The following GRIK2 variants were observed in gnomAD, a reference collection of about 807,000 sequenced individuals.
GRIK2 encodes glutamate receptor ionotropic, kainate 2.
Under a neutral mutation model 100.3 loss-of-function variants are expected in GRIK2, and 32 were observed. That is an observed-to-expected ratio of 0.32 (90% CI 0.24 to 0.43). The LOEUF is 0.43. GRIK2 is among the 20% of genes least tolerant of loss of function. The pLI is 1.00. For synonymous variants in GRIK2, 417 were observed against 389.4 expected, an observed-to-expected ratio of 1.07 and a Z score of -0.83; for missense variants, 843 against 1,114.9, an observed-to-expected ratio of 0.76 and a Z score of 3.47.
intron 15 of GRIK2, 51 bp from the exon 16 acceptor site, chr6:102,055,279 T>C: frequency 2.1e-6 from 3 of 1,437,476 alleles, no homozygotes; most frequent in Non-Finnish European, 9.6e-7. Flanking sequence ...AACCTTTAAT[T>C]ATGAAATTTC....
rs539733976 is a variant in GRIK2 at position 101,976,029 on chromosome 6, A to T, written c.2085+47397A>T. Among the ~76,000 whole-genome samples the T allele has an allele frequency of 7.9e-5, 12 of 152,096 alleles. No homozygotes were observed. The South Asian group carries it at 2.1e-3, about 26-fold the overall frequency. ...CAAAAACAAAATCATTTAGTTTTGG[A>T]TGGAGGGTAGAGGTAGAGGGGTCTG... On this transcript the variant is annotated intron_variant, in intron 14 of 16. Transcript: ENST00000369134.
intron 2 of GRIK2, among the ~76,000 whole-genome samples, chr6:101,561,494 A>G (rs1017546068): frequency 3.2e-4 from 48 of 152,312 alleles, no homozygotes; most frequent in African/African-American, 1.1e-3. Context: ...AATTAACAAT[A>G]ATTTATTATA....
chr6:101,413,561 T>G (rs1775977264), intron 2 of GRIK2, among the ~76,000 whole-genome samples: 1 of 152,120 alleles, frequency 6.6e-6, no homozygotes, highest in Non-Finnish European at 1.5e-5. Flanking sequence ...TAAAACATGC[T>G]TGATTATTTT....
intron 2 of GRIK2, among the ~76,000 whole-genome samples, chr6:101,493,628 A>G (rs892547998): frequency 2.3e-4 from 35 of 151,986 alleles, no homozygotes; most frequent in Non-Finnish European, 2.9e-5. Context: ...TTTAGGAGGA[A>G]AAAAGAGCCT....
intron 9 of GRIK2, 85 bp downstream of exon 9, chr6:101,802,523 A>T (rs1780740118): frequency 2.0e-6 from 1 of 496,052 alleles, no homozygotes; most frequent in East Asian, 3.2e-5. Flanking sequence ...GTCACATTTC[A>T]TTGACATTTA....
chr6:101,457,946 TA>T (rs749542232), intron 2 of GRIK2, among the ~76,000 whole-genome samples: 122 of 152,238 alleles, frequency 8.0e-4, no homozygotes, highest in South Asian at 3.1e-3. Context: ...TTTAAAATGA[TA>T]AAATATTATA....
At chr6:101,766,076 C>A (rs1340760170) in intron 7 of GRIK2, among the ~76,000 whole-genome samples, 1 of 152,038 alleles carries the variant, frequency 6.6e-6, no homozygotes. Flanking sequence ...AGGATCCAAA[C>A]ATCAAGCTAA....
At chr6:101,794,302 C>A (rs140658972) in intron 7 of GRIK2, among the ~76,000 whole-genome samples, 1 of 152,228 alleles carries the variant, frequency 6.6e-6, no homozygotes, top group East Asian at 1.9e-4. Flanking sequence ...TCTTCTGCGT[C>A]GCTCACGCTG....
chr6:101,599,249 TTTG>T (rs1562252277), intron 2 of GRIK2, among the ~76,000 whole-genome samples: 1 of 151,820 alleles, frequency 6.6e-6, no homozygotes. Flanking sequence ...AGGACACCAT[TTTG>T]TTCTTTTTTA....
At chr6:101,421,166 G>T (rs570668747) in intron 2 of GRIK2, among the ~76,000 whole-genome samples, 1 of 152,296 alleles carries the variant, frequency 6.6e-6, no homozygotes, top group East Asian at 1.9e-4. Context: ...GTAGGGCTTG[G>T]TCTGCCTCCA....
intron 14 of GRIK2, among the ~76,000 whole-genome samples, chr6:102,022,613 A>G (rs1769487475): frequency 2.0e-5 from 3 of 151,748 alleles, no homozygotes; most frequent in African/African-American, 7.2e-5. Context: ...CAGCTATTCT[A>G]TAATAACTTT....
At chr6:101,992,445 G>T (rs1794428227) in intron 14 of GRIK2, among the ~76,000 whole-genome samples, 1 of 151,536 alleles carries the variant, frequency 6.6e-6, no homozygotes, top group African/African-American at 2.4e-5. Flanking sequence ...TATCAAAAGG[G>T]ACTCAAAGAA....
chr6:101,994,130 CCATT>C (rs1336230469), intron 14 of GRIK2, among the ~76,000 whole-genome samples: 1 of 150,316 alleles, frequency 6.7e-6, no homozygotes, highest in Non-Finnish European at 1.5e-5. Flanking sequence ...TACATTCTGT[CCATT>C]CATAATGCCA....
chr6:101,829,596 A>T (rs1782549282), intron 10 of GRIK2, among the ~76,000 whole-genome samples: 1 of 152,000 alleles, frequency 6.6e-6, no homozygotes, highest in Admixed American at 6.6e-5. Context: ...TTTATACACC[A>T]ATAGCATTCA....
At chr6:101,513,985 C>G (rs888269986) in intron 2 of GRIK2, among the ~76,000 whole-genome samples, 1 of 151,790 alleles carries the variant, frequency 6.6e-6, no homozygotes, top group Non-Finnish European at 1.5e-5. Context: ...GGAAACAAAT[C>G]AACAAAATAG....
At chr6:101,541,574 T>C (rs1775998645) in intron 2 of GRIK2, among the ~76,000 whole-genome samples, 1 of 152,072 alleles carries the variant, frequency 6.6e-6, no homozygotes, top group Non-Finnish European at 1.5e-5. Context: ...AATTATGTCT[T>C]GTTCGCTATT....
chr6:101,945,378 A>G (rs942373632), intron 14 of GRIK2, among the ~76,000 whole-genome samples: 1 of 152,126 alleles, frequency 6.6e-6, no homozygotes, highest in African/African-American at 2.4e-5. Flanking sequence ...TGGAGTCTTT[A>G]TTTGTTCCCA....
chr6:101,967,350 TG>T (rs1311670076), intron 14 of GRIK2, among the ~76,000 whole-genome samples: 1 of 152,092 alleles, frequency 6.6e-6, no homozygotes, highest in African/African-American at 2.4e-5. Flanking sequence ...AAAATGCCTT[TG>T]GGGAATTTTT....
intron 2 of GRIK2, among the ~76,000 whole-genome samples, chr6:101,474,230 AACTG>A (rs574251768): frequency 3.3e-5 from 5 of 151,888 alleles, no homozygotes; most frequent in East Asian, 3.8e-4. Context: ...AAAATAATTG[AACTG>A]ACTGAGTAAA....
Sources: gnomAD v4.1 joint callset for allele counts (sites outside exome capture counted in the v4.1 genomes callset) on GRCh38, gnomAD v4.1.1 for gene constraint, MANE v1.5 for transcripts, NCBI Gene and HGNC (gene_info 2026-07-23, HGNC 2026-07-21) for gene names.